Variants in PTPRN2 observed in about 807,000 individuals in gnomAD.
The protein encoded by PTPRN2 is receptor-type tyrosine-protein phosphatase N2.
In PTPRN2, 74 loss-of-function variants were observed where a neutral mutation model predicts 118.8. The ratio of observed to expected loss-of-function variants is 0.62; its 90% CI spans 0.52 to 0.76. PTPRN2 has a LOEUF of 0.76. PTPRN2 is among the 30% of genes least tolerant of loss of function. The probability of loss-of-function intolerance (pLI) is 0.00; values close to 1 mark genes in which losing one functional copy is unlikely to be tolerated. For missense variants in PTPRN2, 1,481 were observed against 1,394.4 expected, an observed-to-expected ratio of 1.06 and a Z score of -0.99; for synonymous variants, 641 against 608.0, an observed-to-expected ratio of 1.05 and a Z score of -0.80.
chr7:158,149,917 A>T (rs1252430217), intron 6 of PTPRN2, among the ~76,000 whole-genome samples: 1 of 152,154 alleles, frequency 6.6e-6, no homozygotes, highest in East Asian at 1.9e-4. Context: ...ATATATTTTA[A>T]ATTTAATATA....
intron 2 of PTPRN2, among the ~76,000 whole-genome samples, chr7:158,407,035 C>T (rs1446927800): frequency 6.6e-6 from 1 of 152,206 alleles, no homozygotes; most frequent in Non-Finnish European, 1.5e-5. Context: ...CAGCAAGGAA[C>T]CCTCCAGGGA....
chr7:158,329,935 AC>A (rs1354263605), intron 2 of PTPRN2, among the ~76,000 whole-genome samples: 2 of 152,116 alleles, frequency 1.3e-5, no homozygotes, highest in African/African-American at 4.8e-5. Flanking sequence ...CTATTCTGCA[AC>A]CAACTCACAA....
At chr7:157,736,091 C>T (rs895856934) in intron 12 of PTPRN2, among the ~76,000 whole-genome samples, 10 of 152,166 alleles carry the variant, frequency 6.6e-5, no homozygotes, top group East Asian at 1.9e-4. Context: ...GGCCGGCACC[C>T]GCTGCCCTAG....
chr7:158,372,377 G>GA (rs1810111035), intron 2 of PTPRN2, among the ~76,000 whole-genome samples: 1 of 113,288 alleles, frequency 8.8e-6, no homozygotes, highest in African/African-American at 3.7e-5. Context: ...CTGGACCCCA[G>GA]AGCTGGCCTC....
intron 11 of PTPRN2, among the ~76,000 whole-genome samples, chr7:158,016,860 CAG>C (rs1311699730): frequency 6.6e-6 from 1 of 152,178 alleles, no homozygotes. Flanking sequence ...ATTGCATTTT[CAG>C]AGACATAGCT....
chr7:157,880,553 C>T (rs747613676), intron 12 of PTPRN2, among the ~76,000 whole-genome samples: 4 of 152,280 alleles, frequency 2.6e-5, no homozygotes, highest in South Asian at 2.1e-4. Context: ...CCAAGGGACC[C>T]GGCCCATAGG....
At chr7:158,361,623 G>A (rs192016791) in intron 2 of PTPRN2, among the ~76,000 whole-genome samples, 16 of 152,310 alleles carry the variant, frequency 1.1e-4, no homozygotes, top group East Asian at 3.9e-4. Context: ...CTGGAGCCCC[G>A]GAGCCAGCCC....
At chr7:158,381,488 C>G (rs1001001605) in intron 2 of PTPRN2, among the ~76,000 whole-genome samples, 2 of 152,226 alleles carry the variant, frequency 1.3e-5, no homozygotes, top group African/African-American at 4.8e-5. Flanking sequence ...GAGACCACCT[C>G]AGCCTGGACT....
At chr7:158,145,845 C>T (rs1289307012) in intron 6 of PTPRN2, among the ~76,000 whole-genome samples, 1 of 152,182 alleles carries the variant, frequency 6.6e-6, no homozygotes, top group African/African-American at 2.4e-5. Context: ...GCTGGACTCC[C>T]ATGAAGAAAG....
chr7:158,233,195 ACT>A (rs1226576402), intron 3 of PTPRN2, among the ~76,000 whole-genome samples: 2 of 152,220 alleles, frequency 1.3e-5, no homozygotes, highest in Non-Finnish European at 2.9e-5. Context: ...ACTTCAAAAC[ACT>A]GTCAGAACTG....
intron 1 of PTPRN2, among the ~76,000 whole-genome samples, chr7:158,523,347 G>C (rs1269050764): frequency 6.6e-6 from 1 of 150,634 alleles, no homozygotes; most frequent in Non-Finnish European, 1.5e-5. Flanking sequence ...CAGCGAGTCT[G>C]CCCTGAAGTG....
Position 158,003,801 on chromosome 7 carries a change from C to T in PTPRN2, c.1723+77497G>A, listed in dbSNP as rs1805458081. Among the ~76,000 whole-genome samples, 1 of 152,146 alleles carries T rather than the reference C, an allele frequency of 6.6e-6. No individual in the cohort carries two copies. Among genetic ancestry groups the T allele is most frequent in the South Asian group, 2.1e-4 (1 of 4,816 alleles). On this transcript the variant is annotated intron_variant, in intron 11 of 22. Coordinates refer to ENST00000389418, the MANE Select transcript of PTPRN2 (RefSeq NM_002847.5). This position sits in a 1 kb window ranked among gnomAD's most constrained non-coding sequence, Gnocchi z 5.0. ...GCGGCACCTCCCAACACGCCAAGGC[C>T]AGTGGTAAAACGGGCCTCTGCTTTT...
At chr7:157,908,809 G>GC (rs1187101931) in intron 11 of PTPRN2, among the ~76,000 whole-genome samples, 1 of 151,960 alleles carries the variant, frequency 6.6e-6, no homozygotes, top group Non-Finnish European at 1.5e-5. Flanking sequence ...ATTATATTTG[G>GC]CTTTAGAATT....
At chr7:158,475,900 T>G (rs1407557029) in intron 2 of PTPRN2, among the ~76,000 whole-genome samples, 2 of 152,124 alleles carry the variant, frequency 1.3e-5, no homozygotes, top group African/African-American at 2.4e-5. Context: ...AAACCCAGAG[T>G]TCTTTCCTTA....
intron 13 of PTPRN2, among the ~76,000 whole-genome samples, chr7:157,664,222 CTGAGGCGATGACTGAA>C (rs1173491318): frequency 2.0e-5 from 3 of 152,250 alleles, no homozygotes; most frequent in Non-Finnish European, 4.4e-5. Flanking sequence ...TTGCTGACCG[CTGAGGCGATGACTGAA>C]TGGACAGCGT....
intron 12 of PTPRN2, among the ~76,000 whole-genome samples, chr7:157,803,709 C>T (rs1805460592): frequency 6.6e-6 from 1 of 152,012 alleles, no homozygotes; most frequent in Non-Finnish European, 1.5e-5. Context: ...GTATTCTCCT[C>T]ATGCTTATGA....
rs1803042610 is a variant in PTPRN2, at chr7:157,619,847, G to A, written c.2344+1515C>T. Among the ~76,000 whole-genome samples, 1 of 152,200 alleles carries A rather than the reference G, an allele frequency of 6.6e-6. No homozygotes were observed. The highest frequency in any genetic ancestry group is 2.1e-4 in the South Asian group (1 of 4,834). On this transcript the variant is annotated intron_variant, in intron 15 of 22. Coordinates refer to ENST00000389418, the MANE Select transcript of PTPRN2 (RefSeq NM_002847.5). This position sits in a 1 kb window ranked among gnomAD's most constrained non-coding sequence, Gnocchi z 5.3. ...CGTGGGGGGCTGTGCTGCTGGTACG[G>A]GGACAGGCGGTGTCTCAGGGACACC...
intron 11 of PTPRN2, among the ~76,000 whole-genome samples, chr7:157,989,932 C>A (rs1804115010): frequency 6.6e-6 from 1 of 152,080 alleles, no homozygotes; most frequent in African/African-American, 2.4e-5. Flanking sequence ...GCCTTCTCCC[C>A]CTCCTCCTCA....
intron 14 of PTPRN2, among the ~76,000 whole-genome samples, chr7:157,646,683 G>A (rs1184022450): frequency 6.6e-6 from 1 of 152,186 alleles, no homozygotes; most frequent in Non-Finnish European, 1.5e-5. Flanking sequence ...GTACAGAACA[G>A]AGTCCCAGGA....
Sources: allele counts gnomAD v4.1 joint callset (sites outside exome capture counted in the v4.1 genomes callset), GRCh38; gene constraint gnomAD v4.1.1; non-coding constraint Gnocchi (gnomAD v3.1); transcripts MANE v1.5; gene names NCBI Gene and HGNC (gene_info 2026-07-23, HGNC 2026-07-21).